The following AGBL1 variants were observed in gnomAD, a reference collection of about 807,000 sequenced individuals.
AGBL1 encodes the protein AGBL carboxypeptidase 1.
AGBL1 carries 130 observed loss-of-function variants against 118.9 expected under a neutral mutation model. The observed-to-expected ratio is 1.09, with a 90% CI of 0.95 to 1.26. The LOEUF (loss-of-function observed/expected upper bound fraction) is 1.26, where lower values mean the gene tolerates loss of function less well. Among genes scored for constraint, AGBL1 ranks in the 50% most tolerant of loss-of-function variants. The pLI is 0.00. For missense variants in AGBL1, 1,584 were observed against 1,298.1 expected, an observed-to-expected ratio of 1.22 and a Z score of -3.38; for synonymous variants, 555 against 478.9, an observed-to-expected ratio of 1.16 and a Z score of -2.08.
At position 86,676,831 on chromosome 15, in the gene AGBL1, G is replaced by A. The variant is rs563333996; in HGVS notation, c.3158+2395G>A. Among the ~76,000 whole-genome samples, 41 of 152,206 alleles carry A rather than the reference G, an allele frequency of 2.7e-4. 1 individual carries two copies. In the South Asian group the frequency reaches 8.1e-3, roughly 30 times the overall value. On this transcript the variant is annotated intron_variant, in intron 22 of 22. Transcript: ENST00000614907. The stretch of plus-strand genomic sequence containing the variant: ...AAGAACTACAAGAATGGCTGGGTGC[G>A]GTGGCTCATGCCTGTAATCTCAGCA...
chr15:86,844,461 A>G (rs190605004), intron 22 of AGBL1, among the ~76,000 whole-genome samples: 31 of 152,264 alleles, frequency 2.0e-4, no homozygotes, highest in African/African-American at 7.2e-4. Flanking sequence ...CTTAACAACT[A>G]AAGATATTGA....
intron 17 of AGBL1, among the ~76,000 whole-genome samples, chr15:86,364,278 G>C (rs538784413): frequency 1.2e-4 from 18 of 152,264 alleles, no homozygotes; most frequent in African/African-American, 4.3e-4. Context: ...TAGTGAACAT[G>C]AATGCGAACT....
intron 1 of AGBL1, among the ~76,000 whole-genome samples, chr15:86,120,918 ATGGAGTCCCGCTC>A (rs1450540273): frequency 6.8e-6 from 1 of 146,224 alleles, no homozygotes; most frequent in Non-Finnish European, 1.5e-5. Context: ...TTTTTTTAAG[ATGGAGTCCCGCTC>A]TGTTGCCTAG....
At chr15:86,489,526 G>T (rs560653739) in intron 18 of AGBL1, among the ~76,000 whole-genome samples, 1 of 152,082 alleles carries the variant, frequency 6.6e-6, no homozygotes, top group Non-Finnish European at 1.5e-5. Context: ...AGGAGCAATG[G>T]CATAGATGAT....
rs28422782 is a variant in AGBL1, at chr15:86,110,867, C to A, written c.51+30844C>A. On this transcript the variant is annotated intron_variant, in intron 1 of 22. Coordinates refer to ENST00000614907, the MANE Select transcript of AGBL1 (RefSeq NM_001386094.1). The stretch of plus-strand genomic sequence containing the variant: ...TAGTTGTTCCTGCATTAAATACCAT[C>A]CCTCCCTCCCTTTCTCCTCCAGCAG... Among the ~76,000 whole-genome samples the A allele has an allele frequency of 6.4e-3, 972 of 152,266 alleles. 9 individuals carry two copies. Among genetic ancestry groups the A allele is most frequent in the African/African-American group, 0.022 (931 of 41,550 alleles).
intron 7 of AGBL1, among the ~76,000 whole-genome samples, chr15:86,256,217 T>A (rs1005034535): frequency 2.6e-5 from 4 of 152,234 alleles, no homozygotes; most frequent in African/African-American, 9.6e-5. Flanking sequence ...TCTTGTCATG[T>A]TCCATCAGTA....
At chr15:86,336,102 A>G (rs1047274268) in intron 17 of AGBL1, among the ~76,000 whole-genome samples, 8 of 152,236 alleles carry the variant, frequency 5.3e-5, no homozygotes, top group Non-Finnish European at 1.2e-4. Context: ...CCAGAATTCG[A>G]AGAAGCAGCC....
chr15:86,188,294 C>T (rs538747975), intron 5 of AGBL1, among the ~76,000 whole-genome samples: 1 of 152,166 alleles, frequency 6.6e-6, no homozygotes, highest in East Asian at 1.9e-4. Context: ...TTCTTTAGTA[C>T]TGAGTAATGT....
At position 86,913,857 on chromosome 15, in the gene AGBL1, G is replaced by C. The variant is rs550985953; in HGVS notation, c.*6563G>C. The C allele has an allele frequency of 1.4e-4, 21 of 152,346 alleles. No individual in the cohort carries two copies. The highest frequency in any genetic ancestry group is 3.8e-4 in the African/African-American group (16 of 41,570). The allele number at this position is 152,346 out of a possible 1,614,324, so 9.4% of individuals were successfully genotyped here. The stretch of plus-strand genomic sequence containing the variant: ...CAACTGCACTCCTGCCTAGGTGGCA[G>C]AGTGAGACCCTGTACTCTGTCTAAA... On this transcript the variant is annotated 3_prime_UTR_variant, in exon 23 of 23. Transcript: ENST00000614907.
intron 1 of AGBL1, among the ~76,000 whole-genome samples, chr15:86,082,535 A>T (rs1174588758): frequency 4.6e-5 from 7 of 152,234 alleles, no homozygotes; most frequent in African/African-American, 1.7e-4. Flanking sequence ...GGCAAACACA[A>T]GCATAACAGA....
At chr15:86,895,102 T>TTTC (rs1229713500) in intron 22 of AGBL1, among the ~76,000 whole-genome samples, 1 of 151,978 alleles carries the variant, frequency 6.6e-6, no homozygotes, top group Admixed American at 6.6e-5. Context: ...CCTCCTTCCC[T>TTTC]TTCTTTTTTC....
At chr15:86,156,093 T>C (rs2077186006) in intron 4 of AGBL1, among the ~76,000 whole-genome samples, 1 of 152,088 alleles carries the variant, frequency 6.6e-6, no homozygotes, top group Admixed American at 6.5e-5. Flanking sequence ...GGCTAATTTT[T>C]ATATTTTAGT....
In AGBL1 at chr15:86,816,715, C is replaced by T. The variant is rs548957839; in HGVS notation, c.3159-90372C>T. 5.3e-5 allele frequency among the ~76,000 whole-genome samples: 8 copies of T among 152,242 alleles called. No homozygotes were observed. The East Asian group carries it at 1.4e-3, about 26-fold the overall frequency. Reference sequence around the variant, plus strand: ...AATCCCTCAGGAGGCAGAGAGAAGACTTGGCACAACTGGGAAACTGGCCCC... The same window carrying T: ...AATCCCTCAGGAGGCAGAGAGAAGATTTGGCACAACTGGGAAACTGGCCCC... On this transcript the variant is annotated intron_variant, in intron 22 of 22. Transcript: ENST00000614907.
chr15:86,270,155 G>A, intron 14 of AGBL1, 88 bp downstream of exon 14: 1 of 1,483,836 alleles, frequency 6.7e-7, no homozygotes, highest in East Asian at 2.5e-5. Context: ...CTTTGCTTGG[G>A]TTCAGAGGGT....
At chr15:86,311,829 A>T (rs1021538415) in intron 17 of AGBL1, among the ~76,000 whole-genome samples, 26 of 152,184 alleles carry the variant, frequency 1.7e-4, no homozygotes, top group Non-Finnish European at 3.7e-4. Context: ...CTGCGGAAGG[A>T]GCTTGTTCCC....
At chr15:86,795,163 T>C (rs1302730107) in intron 22 of AGBL1, among the ~76,000 whole-genome samples, 2 of 152,196 alleles carry the variant, frequency 1.3e-5, no homozygotes, top group Non-Finnish European at 2.9e-5. Context: ...TTAGCTGCAA[T>C]TGGAATCTTC....
chr15:86,567,137 C>T lies in AGBL1; in HGVS notation c.2994+12600C>T, dbSNP rs1039867026. 2.0e-5 allele frequency among the ~76,000 whole-genome samples: 3 copies of T among 152,116 alleles called. No homozygotes were observed. The East Asian group carries it at 5.8e-4, about 29-fold the overall frequency. On this transcript the variant is annotated intron_variant, in intron 21 of 22. Coordinates refer to ENST00000614907, the MANE Select transcript of AGBL1 (RefSeq NM_001386094.1). ...TATTTTAGATAAAGACACTTAGGCT[C>T]CAACTCTTAACCATAATCATTTTAT... is the stretch of plus-strand genomic sequence containing the variant.
chr15:86,710,754 A>G (rs1232511004), intron 22 of AGBL1, among the ~76,000 whole-genome samples: 3 of 152,212 alleles, frequency 2.0e-5, no homozygotes, highest in Non-Finnish European at 4.4e-5. Context: ...TTGAAGATCT[A>G]GAAAGAAACA....
intron 18 of AGBL1, among the ~76,000 whole-genome samples, chr15:86,496,262 T>G (rs929316327): frequency 2.0e-5 from 3 of 152,054 alleles, no homozygotes; most frequent in Non-Finnish European, 4.4e-5. Flanking sequence ...GTGAAGAAAG[T>G]ACCTGCTTCC....
Sources: allele counts gnomAD v4.1 joint callset (sites outside exome capture counted in the v4.1 genomes callset), GRCh38; gene constraint gnomAD v4.1.1; transcripts MANE v1.5; gene names NCBI Gene and HGNC (gene_info 2026-07-23, HGNC 2026-07-21).